The following HIVEP3 variants were observed in gnomAD, a reference collection of about 807,000 sequenced individuals.
HIVEP3 encodes the protein HIVEP zinc finger 3, also known as transcription factor HIVEP3.
Under a neutral mutation model 152.8 loss-of-function variants are expected in HIVEP3, and 49 were observed. The observed-to-expected ratio is 0.32, with a 90% CI of 0.26 to 0.41. The LOEUF is 0.41. HIVEP3 is among the 10% of genes least tolerant of loss of function. The pLI is 1.00. For missense variants in HIVEP3, 2,790 were observed against 3,103.3 expected (o/e 0.90, Z 2.40); for synonymous variants, 1,269 against 1,289.0 (o/e 0.98, Z 0.33).
At chr1:41,746,990 TGGGTCAG>T (rs1254834240) in intron 1 of HIVEP3, among the ~76,000 whole-genome samples, 1 of 151,958 alleles carries the variant, frequency 6.6e-6, no homozygotes, top group Non-Finnish European at 1.5e-5. Flanking sequence ...CGAGGATCCA[TGGGTCAG>T]GGAGCATGAA....
Position 41,792,142 on chromosome 1 carries a change from G to C in HIVEP3, c.-800-91147C>G, listed in dbSNP as rs77748121. Among the ~76,000 whole-genome samples, 11 of 152,294 alleles carry C rather than the reference G, an allele frequency of 7.2e-5. No individual in the cohort carries two copies. The East Asian group carries it at 2.1e-3, about 29-fold the overall frequency. On this transcript the variant is annotated intron_variant, in intron 1 of 8. Transcript: ENST00000372583. ...GTACCTCCGAGGTCCTGAGTTGCTT[G>C]AGGCAAGAGCTATTTCAATCATCTT... is the stretch of plus-strand genomic sequence containing the variant.
At chr1:41,642,832 C>T (rs1032247587) in intron 2 of HIVEP3, among the ~76,000 whole-genome samples, 2 of 152,144 alleles carry the variant, frequency 1.3e-5, no homozygotes, top group Non-Finnish European at 2.9e-5. Flanking sequence ...TCTTGAGGGA[C>T]CCGGCAGACT....
In HIVEP3 at chr1:41,512,733, G is replaced by A. The variant is rs1374865018; in HGVS notation, c.6405+83C>T. Reference sequence around the variant, plus strand: ...AGCTGGCAGAGCTGTTTAGTTCCAGGTGTGATACCCAGGAGGGTGTGAACT... The same window carrying A: ...AGCTGGCAGAGCTGTTTAGTTCCAGATGTGATACCCAGGAGGGTGTGAACT... On this transcript the variant is annotated intron_variant, in intron 8 of 8. Transcript: ENST00000372583. 2.1e-5 allele frequency: 24 copies of A among 1,132,428 alleles called. No individual in the cohort carries two copies. In the East Asian group the frequency reaches 6.0e-4, roughly 28 times the overall value. 70.1% of individuals were successfully genotyped at this position (1,132,428 alleles called of 1,614,324 possible).
chr1:41,835,709 A>G (rs1347935483), intron 1 of HIVEP3, among the ~76,000 whole-genome samples: 3 of 152,210 alleles, frequency 2.0e-5, no homozygotes, highest in Non-Finnish European at 2.9e-5. Flanking sequence ...TTAGGGCAGT[A>G]GCTCTCCGCC....
Position 41,583,482 on chromosome 1 carries a change from G to A in HIVEP3, c.1316C>T (p.Pro439Leu). The part of the protein sequence containing the change: ...TAMLTATSTQ[P>L]LLPLSTEDKP... ...GTCTTCGGTGGACAGGGGCAGGAGGGGCTGGGTGGAGGTGGCTGTCAGCAT... is the reference window on the plus strand; with the variant it reads ...GTCTTCGGTGGACAGGGGCAGGAGGAGCTGGGTGGAGGTGGCTGTCAGCAT... The change falls in exon 4 of 9, where the codon CCC becomes CTC. Residue 439 changes from proline (P) to leucine (L), a missense_variant. Around this residue, in one of 9 missense-constraint regions of HIVEP3, gnomAD observed 134 missense variants for 242.5 expected, o/e 0.55. Coordinates refer to ENST00000372583, the MANE Select transcript of HIVEP3 (RefSeq NM_024503.5). The surrounding 1 kb of genome is among the most constrained non-coding windows in gnomAD (Gnocchi z 6.9). 6.2e-7 allele frequency: 1 copy of A among 1,613,888 alleles called. No homozygotes were observed. The highest frequency in any genetic ancestry group is 8.5e-7 in the Non-Finnish European group (1 of 1,179,888).
At chr1:41,556,445 A>G (rs1383678672) in intron 5 of HIVEP3, among the ~76,000 whole-genome samples, 4 of 152,180 alleles carry the variant, frequency 2.6e-5, no homozygotes, top group Non-Finnish European at 5.9e-5. Flanking sequence ...ATGTCCATTC[A>G]TGCTTTTTGG....
intron 5 of HIVEP3, among the ~76,000 whole-genome samples, chr1:41,544,975 C>CCA (rs1558047110): frequency 7.4e-5 from 5 of 67,384 alleles, no homozygotes; most frequent in Admixed American, 1.5e-4. Flanking sequence ...ACCACCACCA[C>CCA]TATCACCGCC....
intron 1 of HIVEP3, among the ~76,000 whole-genome samples, chr1:41,976,357 C>A (rs960971759): frequency 2.0e-5 from 3 of 152,190 alleles, no homozygotes; most frequent in Non-Finnish European, 4.4e-5. Context: ...GCATTCGATG[C>A]CAGAAACACA....
chr1:41,951,814 C>T (rs1645109375), intron 1 of HIVEP3, among the ~76,000 whole-genome samples: 2 of 152,064 alleles, frequency 1.3e-5, no homozygotes, highest in African/African-American at 4.8e-5. Context: ...GGGGAAACTG[C>T]CCCCATGATT....
chr1:41,576,634 G>A (rs554239001), intron 4 of HIVEP3, among the ~76,000 whole-genome samples: 1 of 152,196 alleles, frequency 6.6e-6, no homozygotes, highest in South Asian at 2.1e-4. Context: ...TGATGCTGGG[G>A]CAATCTAAGA....
intron 1 of HIVEP3, among the ~76,000 whole-genome samples, chr1:42,032,728 G>A (rs1296889222): frequency 6.6e-6 from 1 of 151,984 alleles, no homozygotes; most frequent in Admixed American, 6.5e-5. Context: ...CTGGGTGCAG[G>A]GATTTTGCCT....
intron 1 of HIVEP3, among the ~76,000 whole-genome samples, chr1:41,868,391 T>C (rs1468111554): frequency 6.6e-6 from 1 of 152,110 alleles, no homozygotes; most frequent in Non-Finnish European, 1.5e-5. Flanking sequence ...CATGACACTG[T>C]GTATCAATTT....
intron 1 of HIVEP3, among the ~76,000 whole-genome samples, chr1:42,025,077 G>C (rs1240617635): frequency 6.6e-6 from 1 of 152,120 alleles, no homozygotes; most frequent in Non-Finnish European, 1.5e-5. Context: ...TCTGGAAAAA[G>C]CTCAAGCATC....
chr1:42,018,321 G>C (rs1393538645), intron 1 of HIVEP3, among the ~76,000 whole-genome samples: 1 of 113,962 alleles, frequency 8.8e-6, no homozygotes, highest in Non-Finnish European at 1.9e-5. Flanking sequence ...AGGATATACA[G>C]ATATTCTCTT....
rs894685879 is a variant in HIVEP3 at position 41,514,003 on chromosome 1, A to C, written c.5471-253T>G. On this transcript the variant is annotated intron_variant, in intron 7 of 8. Coordinates refer to ENST00000372583, the MANE Select transcript of HIVEP3 (RefSeq NM_024503.5). Reference sequence around the variant, plus strand: ...CTGAGAGCTTTAGGTATATTTATTCATTTAGACCTCAGAGAATCCTGTGAA... The same window carrying C: ...CTGAGAGCTTTAGGTATATTTATTCCTTTAGACCTCAGAGAATCCTGTGAA... Among the ~76,000 whole-genome samples the C allele has an allele frequency of 1.1e-4, 17 of 152,360 alleles. No homozygotes were observed. The East Asian group carries it at 2.9e-3, about 26-fold the overall frequency.
chr1:41,899,917 A>G, intron 1 of HIVEP3, among the ~76,000 whole-genome samples: 1 of 152,158 alleles, frequency 6.6e-6, no homozygotes, highest in East Asian at 1.9e-4. Context: ...ATTGTCCCTG[A>G]ACCAAAACAT....
chr1:41,920,272 C>T (rs982047698), upstream of HIVEP3, among the ~76,000 whole-genome samples: 2 of 152,176 alleles, frequency 1.3e-5, no homozygotes, highest in African/African-American at 2.4e-5. Flanking sequence ...GGCTCTCCCG[C>T]GGCCACCACA....
chr1:41,930,825 A>C (rs917088673), intron 1 of HIVEP3, among the ~76,000 whole-genome samples: 3 of 152,134 alleles, frequency 2.0e-5, no homozygotes, highest in Non-Finnish European at 4.4e-5. Flanking sequence ...ATTCTAATTG[A>C]TATGCATGAT....
chr1:41,956,617 G>C (rs1645141883), intron 1 of HIVEP3, among the ~76,000 whole-genome samples: 1 of 152,186 alleles, frequency 6.6e-6, no homozygotes, highest in South Asian at 2.1e-4. Flanking sequence ...TGCTTGAAGA[G>C]GGCCAAGATT....
Sources: gnomAD v4.1 joint callset for allele counts (sites outside exome capture counted in the v4.1 genomes callset) on GRCh38, gnomAD v4.1.1 for gene constraint, gnomAD v4.1.1 regional missense constraint, Gnocchi (gnomAD v3.1) non-coding constraint, MANE v1.5 for transcripts, NCBI Gene and HGNC (gene_info 2026-07-23, HGNC 2026-07-21) for gene names.